TIMM17A: variants seen among roughly 807,000 people sequenced by gnomAD.
TIMM17A encodes the protein translocase of inner mitochondrial membrane 17A.
A neutral mutation model predicts 26.5 loss-of-function variants in TIMM17A; 15 were observed. The ratio of observed to expected loss-of-function variants is 0.57; its 90% CI spans 0.38 to 0.87. The LOEUF is 0.87. Among genes scored for constraint, TIMM17A ranks in the 40% least tolerant of loss-of-function variants. The pLI is 0.00. For synonymous variants in TIMM17A, 80 were observed against 70.8 expected (o/e 1.13, Z -0.66); for missense variants, 201 against 210.0 (o/e 0.96, Z 0.27).
chr1:201,967,096 C>A (rs368243390), intron 5 of TIMM17A, among the ~76,000 whole-genome samples: 79 of 150,342 alleles, frequency 5.3e-4, no homozygotes, highest in African/African-American at 1.7e-3. Flanking sequence ...AATAGTGAGA[C>A]ATGTTGAAAA....
At chr1:201,956,971 A>C (rs1056551084) in intron 1 of TIMM17A, among the ~76,000 whole-genome samples, 1 of 151,956 alleles carries the variant, frequency 6.6e-6, no homozygotes, top group Non-Finnish European at 1.5e-5. Context: ...AAAAAAAAAA[A>C]ACAACTTAGA....
intron 3 of TIMM17A, among the ~76,000 whole-genome samples, chr1:201,959,827 C>CA (rs1055687242): frequency 1.6e-3 from 245 of 148,724 alleles, no homozygotes; most frequent in African/African-American, 3.9e-3. Context: ...ACTAAAAATA[C>CA]AAAAAAAAAC....
intron 4 of TIMM17A, among the ~76,000 whole-genome samples, chr1:201,963,993 C>T (rs2102944483): frequency 6.6e-6 from 1 of 152,084 alleles, no homozygotes; most frequent in South Asian, 2.1e-4. Context: ...TTGGTGCATG[C>T]CTATAGTCCC....
At chr1:201,964,381 G>A (rs992800556) in intron 4 of TIMM17A, among the ~76,000 whole-genome samples, 1 of 152,056 alleles carries the variant, frequency 6.6e-6, no homozygotes, top group African/African-American at 2.4e-5. Flanking sequence ...TATGAATAAG[G>A]AACTTAGAAC....
chr1:201,963,798 A>G, intron 4 of TIMM17A, 54 bp downstream of exon 4: 1 of 1,533,674 alleles, frequency 6.5e-7, no homozygotes, highest in Non-Finnish European at 8.8e-7. Context: ...GGAAAACCTC[A>G]TCTGCCTCAA....
chr1:201,965,411 TC>T, intron 4 of TIMM17A, 21 bp from the exon 5 acceptor site: 1 of 1,502,052 alleles, frequency 6.7e-7, no homozygotes, highest in Non-Finnish European at 9.3e-7. Context: ...AAAAATAATC[TC>T]TTTGTTATTA....
chr1:201,968,591 C>T (rs1314386485), intron 5 of TIMM17A, among the ~76,000 whole-genome samples: 1 of 151,630 alleles, frequency 6.6e-6, no homozygotes, highest in Non-Finnish European at 1.5e-5. Context: ...GGGGTTTCGC[C>T]ATGTTGTCCT....
chr1:201,967,013 G>A (rs867203064), intron 5 of TIMM17A, among the ~76,000 whole-genome samples: 1 of 138,758 alleles, frequency 7.2e-6, no homozygotes, highest in South Asian at 2.4e-4. Context: ...GTGTGTGTGT[G>A]TGTATATATA....
At position 201,969,775 on chromosome 1, in the gene TIMM17A, A is replaced by C; in HGVS notation, c.*221A>C. On this transcript the variant is annotated 3_prime_UTR_variant, in exon 6 of 6. Coordinates refer to ENST00000367287, the MANE Select transcript of TIMM17A (RefSeq NM_006335.3). The stretch of plus-strand genomic sequence containing the variant: ...CACACTTGAATTGCATTTGTGATCA[A>C]AATAAATGTTTAAATCGCTAAAGGA... 1 of 387,818 alleles carries C rather than the reference A, an allele frequency of 2.6e-6. No homozygotes were observed. Among genetic ancestry groups the C allele is most frequent in the Non-Finnish European group, 4.6e-6 (1 of 215,638 alleles). 24.0% of individuals were successfully genotyped at this position (387,818 alleles called of 1,614,324 possible). A position where few individuals can be genotyped will look rare whatever the true frequency, so the allele number is the denominator to read the frequency against.
intron 5 of TIMM17A, 114 bp from the exon 6 acceptor site, chr1:201,969,355 T>G: frequency 1.2e-6 from 1 of 841,452 alleles, no homozygotes; most frequent in African/African-American, 1.7e-5. Context: ...GGGTTATAGC[T>G]TTAATTTAGC....
At chr1:201,959,806 CTACTAAAAA>C (rs1682490242) in intron 3 of TIMM17A, among the ~76,000 whole-genome samples, 1 of 151,264 alleles carries the variant, frequency 6.6e-6, no homozygotes, top group East Asian at 1.9e-4. Flanking sequence ...AACCCCATCT[CTACTAAAAA>C]TACTAAAAAT....
chr1:201,961,210 C>T (rs1290121423), intron 3 of TIMM17A, among the ~76,000 whole-genome samples: 2 of 151,910 alleles, frequency 1.3e-5, no homozygotes, highest in Non-Finnish European at 2.9e-5. Context: ...GGATTACAGG[C>T]GCATGCCGCC....
At chr1:201,967,378 CTT>C (rs1031283528) in intron 5 of TIMM17A, among the ~76,000 whole-genome samples, 1 of 152,034 alleles carries the variant, frequency 6.6e-6, no homozygotes, top group African/African-American at 2.4e-5. Flanking sequence ...GTGTGAAAGA[CTT>C]TACATAAAAC....
chr1:201,960,635 C>A (rs1309795794), intron 3 of TIMM17A, among the ~76,000 whole-genome samples: 1 of 152,042 alleles, frequency 6.6e-6, no homozygotes, highest in African/African-American at 2.4e-5. Flanking sequence ...ATTTTAAATT[C>A]TAAAAATACT....
At position 201,957,292 on chromosome 1, in the gene TIMM17A, T is replaced by C; in HGVS notation, c.38T>C (p.Ile13Thr). 1 of 1,610,484 alleles carries C rather than the reference T, an allele frequency of 6.2e-7. No homozygotes were observed. The highest frequency in any genetic ancestry group is 8.5e-7 in the Non-Finnish European group (1 of 1,177,386). Residue 13 changes from isoleucine to threonine, a missense_variant, in exon 2 of 6, where the codon ATT becomes ACT. Coordinates refer to ENST00000367287, the MANE Select transcript of TIMM17A (RefSeq NM_006335.3). ...CCCCCTGTTCTTAGCCCATGGCGAA[T>C]TGTGGATGACTGTGGTGGGGCCTTT... ...EYAREPCPWR[I>T]VDDCGGAFTM...
chr1:201,957,139 G>A (rs61821486), intron 1 of TIMM17A, 142 bp from the exon 2 acceptor site: 1 of 600,410 alleles, frequency 1.7e-6, no homozygotes, highest in Admixed American at 3.4e-5. Context: ...ATTTCCTCAA[G>A]TCATTTTATA....
At chr1:201,957,730 T>G in intron 3 of TIMM17A, 156 bp downstream of exon 3, 1 of 596,752 alleles carries the variant, frequency 1.7e-6, no homozygotes, top group Non-Finnish European at 2.8e-6. Flanking sequence ...ATTTGTAGTT[T>G]GTTTGAAAAA....
chr1:201,968,363 C>A (rs986797613), intron 5 of TIMM17A, among the ~76,000 whole-genome samples: 1 of 151,080 alleles, frequency 6.6e-6, no homozygotes. Context: ...TGGTTTTCAT[C>A]GGCTTATCTT....
At chr1:201,964,320 TCAC>T (rs1312151008) in intron 4 of TIMM17A, among the ~76,000 whole-genome samples, 14 of 152,202 alleles carry the variant, frequency 9.2e-5, no homozygotes, top group Non-Finnish European at 1.6e-4. Flanking sequence ...TATAATTTCT[TCAC>T]CAGTAATCTG....
Sources: gnomAD v4.1 joint callset for allele counts (sites outside exome capture counted in the v4.1 genomes callset) on GRCh38, gnomAD v4.1.1 for gene constraint, MANE v1.5 for transcripts, NCBI Gene and HGNC (gene_info 2026-07-23, HGNC 2026-07-21) for gene names.